Variants in PTER observed in about 807,000 individuals in gnomAD.
PTER encodes N-acetyltaurine hydrolase.
Under a neutral mutation model 29.6 loss-of-function variants are expected in PTER, and 38 were observed. The observed-to-expected ratio is 1.28, with a 90% confidence interval of 0.99 to 1.68. The LOEUF (loss-of-function observed/expected upper bound fraction) is 1.68, where lower values mean the gene tolerates loss of function less well. Among genes scored for constraint, PTER ranks in the 40% most tolerant of loss-of-function variants. PTER has a pLI of 0.00. For synonymous variants in PTER, 172 were observed against 154.5 expected, an observed-to-expected ratio of 1.11 and a Z score of -0.84; for missense variants, 482 against 427.8, an observed-to-expected ratio of 1.13 and a Z score of -1.12.
intron 1 of PTER, among the ~76,000 whole-genome samples, chr10:16,441,835 G>T (rs970585309): frequency 6.6e-6 from 1 of 151,966 alleles, no homozygotes; most frequent in East Asian, 1.9e-4. Flanking sequence ...GTTTTCACAG[G>T]TTGTGGTTCT....
chr10:16,446,306 C>G (rs1834011096), intron 1 of PTER, among the ~76,000 whole-genome samples: 1 of 151,762 alleles, frequency 6.6e-6, no homozygotes, highest in Non-Finnish European at 1.5e-5. Context: ...ACCTCCACCA[C>G]CTCCCGGGTT....
rs749676721 is a variant in PTER at position 16,504,995 on chromosome 10, A to G, written c.699-25A>G. Reference sequence around the variant, plus strand: ...TGGAAAATGGGCTCTTCATAATAACAGTTCATCTGTCGCATTGTTTCTAGG... The same window carrying G: ...TGGAAAATGGGCTCTTCATAATAACGGTTCATCTGTCGCATTGTTTCTAGG... On this transcript the variant is annotated intron_variant, in intron 3 of 4. Transcript: ENST00000535784. 3.7e-6 allele frequency: 6 copies of G among 1,612,314 alleles called. No individual in the cohort carries two copies. The Admixed American group carries it at 6.7e-5, about 18-fold the overall frequency.
intron 3 of PTER, among the ~76,000 whole-genome samples, chr10:16,491,421 G>A (rs1299443614): frequency 6.6e-6 from 1 of 152,182 alleles, no homozygotes; most frequent in Non-Finnish European, 1.5e-5. Context: ...GACTGGGTCA[G>A]CCTCTCACAG....
chr10:16,493,590 A>G (rs544703777), intron 3 of PTER, among the ~76,000 whole-genome samples: 11 of 152,168 alleles, frequency 7.2e-5, no homozygotes, highest in South Asian at 4.1e-4. Context: ...TTTTAACCCT[A>G]AAGTGTTATG....
chr10:16,498,769 G>A (rs1357424395), intron 3 of PTER, among the ~76,000 whole-genome samples: 7 of 152,138 alleles, frequency 4.6e-5, no homozygotes, highest in Non-Finnish European at 1.0e-4. Flanking sequence ...TTTTCCCATG[G>A]TAATATACTG....
chr10:16,479,370 T>A (rs1254588003), intron 1 of PTER, among the ~76,000 whole-genome samples: 3 of 152,046 alleles, frequency 2.0e-5, no homozygotes, highest in African/African-American at 7.2e-5. Flanking sequence ...GATGACTGTG[T>A]CCAAGGAGGG....
intron 1 of PTER, among the ~76,000 whole-genome samples, chr10:16,481,770 C>T (rs1835489108): frequency 6.6e-6 from 1 of 152,130 alleles, no homozygotes; most frequent in Non-Finnish European, 1.5e-5. Context: ...AGCATTTTAT[C>T]AATTTAGCTC....
At chr10:16,501,504 A>T (rs998105929) in intron 3 of PTER, among the ~76,000 whole-genome samples, 1 of 152,156 alleles carries the variant, frequency 6.6e-6, no homozygotes, top group Admixed American at 6.6e-5. Context: ...TACTATATAT[A>T]GTTACCCTCT....
chr10:16,465,025 A>G (rs1834756796), intron 1 of PTER, among the ~76,000 whole-genome samples: 1 of 152,142 alleles, frequency 6.6e-6, no homozygotes, highest in African/African-American at 2.4e-5. Context: ...CACTATCACG[A>G]GAATAGCATG....
intron 1 of PTER, among the ~76,000 whole-genome samples, chr10:16,474,827 CA>C (rs1376513416): frequency 1.3e-5 from 2 of 152,130 alleles, no homozygotes; most frequent in African/African-American, 2.4e-5. Context: ...GCAGAGGTTG[CA>C]GTGAGCCGAG....
At chr10:16,462,134 T>TACTAATTA (rs1834635740) in intron 1 of PTER, among the ~76,000 whole-genome samples, 1 of 152,014 alleles carries the variant, frequency 6.6e-6, no homozygotes, top group Non-Finnish European at 1.5e-5. Flanking sequence ...TACAGGCGCC[T>TACTAATTA]GCCACTACGC....
At chr10:16,509,282 G>A (rs748449983) in intron 4 of PTER, among the ~76,000 whole-genome samples, 5 of 149,398 alleles carry the variant, frequency 3.3e-5, no homozygotes, top group Non-Finnish European at 4.5e-5. Flanking sequence ...GAGCCATAAC[G>A]TTATCTTTCT....
intron 3 of PTER, among the ~76,000 whole-genome samples, chr10:16,500,981 G>C (rs1836314416): frequency 6.6e-6 from 1 of 151,990 alleles, no homozygotes; most frequent in African/African-American, 2.4e-5. Context: ...ACCCAAGCTG[G>C]AGTACAGTGG....
intron 1 of PTER, among the ~76,000 whole-genome samples, chr10:16,481,569 G>T (rs997013642): frequency 2.0e-5 from 3 of 152,288 alleles, no homozygotes; most frequent in Middle Eastern, 3.4e-3. Context: ...GTTACATTGT[G>T]TGTGATCATA....
At chr10:16,503,065 C>CTTTTTTTTTTT (rs541383811) in intron 3 of PTER, among the ~76,000 whole-genome samples, 5 of 69,430 alleles carry the variant, frequency 7.2e-5, no homozygotes, top group Non-Finnish European at 9.7e-5. Context: ...CATGATAGTG[C>CTTTTTTTTTTT]TTTTTTTTTT....
At chr10:16,449,748 G>A (rs902030320) in intron 1 of PTER, among the ~76,000 whole-genome samples, 35 of 152,236 alleles carry the variant, frequency 2.3e-4, no homozygotes, top group African/African-American at 8.4e-4. Context: ...ATTTCACAAG[G>A]TATTGGTGAA....
At chr10:16,479,845 G>A (rs761117431) in intron 1 of PTER, among the ~76,000 whole-genome samples, 3 of 151,706 alleles carry the variant, frequency 2.0e-5, no homozygotes, top group Non-Finnish European at 2.9e-5. Flanking sequence ...TCATCCATTC[G>A]TACACGGCTG....
chr10:16,511,226 G>C lies in PTER; in HGVS notation c.1020G>C (p.Glu340Asp), dbSNP rs1836799156. The C allele has an allele frequency of 6.2e-7, 1 of 1,614,056 alleles. No homozygotes were observed. Among genetic ancestry groups the C allele is most frequent in the East Asian group, 2.2e-5 (1 of 44,874 alleles). The change falls in exon 5 of 5, where the codon GAG (glutamate) becomes GAC (aspartate). Residue 340 changes from glutamate (E) to aspartate (D), a missense_variant. Transcript: ENST00000535784. ...ATGTGCTTGATAAGATTCTAATAGA[G>C]AACCCTAAGCAATGGCTAACTTTCA... Reference protein sequence around the residue: ...TENVLDKILIENPKQWLTFK With the variant: ...TENVLDKILIDNPKQWLTFK
chr10:16,440,393 A>G (rs1265422183), intron 1 of PTER, among the ~76,000 whole-genome samples: 1 of 152,052 alleles, frequency 6.6e-6, no homozygotes, highest in Non-Finnish European at 1.5e-5. Context: ...ATTCATAGAC[A>G]TCATCTCTTA....
Sources: gnomAD v4.1 joint callset for allele counts (sites outside exome capture counted in the v4.1 genomes callset) on GRCh38, gnomAD v4.1.1 for gene constraint, MANE v1.5 for transcripts, NCBI Gene and HGNC (gene_info 2026-07-23, HGNC 2026-07-21) for gene names.